CSMD1: variants seen among roughly 807,000 people sequenced by gnomAD.
CSMD1 encodes CUB and Sushi multiple domains 1.
CSMD1 carries 213 observed loss-of-function variants against 417.5 expected under a neutral mutation model. The ratio of observed to expected loss-of-function variants is 0.51; its 90% confidence interval spans 0.46 to 0.57. The LOEUF (loss-of-function observed/expected upper bound fraction) is 0.57. Among genes scored for constraint, CSMD1 ranks in the 20% least tolerant of loss-of-function variants. The probability of loss-of-function intolerance (pLI) is 0.00; values close to 1 mark genes in which losing one functional copy is unlikely to be tolerated. For synonymous variants in CSMD1, 2,862 were observed against 1,736.8 expected, an observed-to-expected ratio of 1.65 and a Z score of -16.11; for missense variants, 6,923 against 4,529.7, an observed-to-expected ratio of 1.53 and a Z score of -15.17.
At chr8:3,306,617 T>C (rs979306422) in intron 25 of CSMD1, among the ~76,000 whole-genome samples, 2 of 152,248 alleles carry the variant, frequency 1.3e-5, no homozygotes, top group East Asian at 3.9e-4. Flanking sequence ...AGGTCAGAGT[T>C]TCTCAAAAGC....
At chr8:4,873,463 T>G (rs1384851758) in intron 1 of CSMD1, among the ~76,000 whole-genome samples, 2 of 152,014 alleles carry the variant, frequency 1.3e-5, no homozygotes, top group East Asian at 3.9e-4. Flanking sequence ...TGAGAAAAAA[T>G]TCCAGAAATT....
intron 21 of CSMD1, among the ~76,000 whole-genome samples, chr8:3,352,604 G>A (rs561879142): frequency 3.3e-5 from 5 of 152,228 alleles, no homozygotes; most frequent in South Asian, 4.1e-4. Context: ...GTTTGGGAGC[G>A]CGAGGCAGGC....
chr8:3,004,237 A>C (rs1424483875), intron 52 of CSMD1, among the ~76,000 whole-genome samples: 1 of 152,188 alleles, frequency 6.6e-6, no homozygotes, highest in Admixed American at 6.5e-5. Context: ...TTGATTTTGC[A>C]GACTTTGTTT....
chr8:4,051,870 TTCCTCCTTTC>T (rs1230701582), intron 3 of CSMD1, among the ~76,000 whole-genome samples: 5 of 37,580 alleles, frequency 1.3e-4, no homozygotes, highest in African/African-American at 4.2e-4. Context: ...CTTTCTTTCC[TTCCTCCTTTC>T]TTCCTTCCTT....
At chr8:3,209,994 T>A (rs1445781616) in intron 30 of CSMD1, among the ~76,000 whole-genome samples, 2 of 152,170 alleles carry the variant, frequency 1.3e-5, no homozygotes, top group Non-Finnish European at 2.9e-5. Context: ...AAAACTTCAA[T>A]AAGCAAAATT....
intron 25 of CSMD1, among the ~76,000 whole-genome samples, chr8:3,301,060 A>G (rs892743516): frequency 2.0e-5 from 3 of 152,184 alleles, no homozygotes; most frequent in South Asian, 4.1e-4. Flanking sequence ...ACCACACAAT[A>G]TACATTGATA....
intron 54 of CSMD1, among the ~76,000 whole-genome samples, chr8:2,981,462 G>A (rs1034349951): frequency 5.9e-5 from 9 of 152,186 alleles, no homozygotes; most frequent in African/African-American, 2.2e-4. Flanking sequence ...TAAGTATAGG[G>A]TAATGCGTCA....
chr8:4,214,352 C>T (rs2128803797), intron 3 of CSMD1, among the ~76,000 whole-genome samples: 1 of 152,296 alleles, frequency 6.6e-6, no homozygotes, highest in Middle Eastern at 3.4e-3. Flanking sequence ...GGCTGGAGTG[C>T]AGTGGTGCGA....
chr8:3,744,721 A>G (rs1796982310), intron 6 of CSMD1, among the ~76,000 whole-genome samples: 1 of 152,246 alleles, frequency 6.6e-6, no homozygotes, highest in Non-Finnish European at 1.5e-5. Context: ...CTATGAAATG[A>G]AGAGTCAGTG....
chr8:3,875,715 G>T (rs375146569), intron 5 of CSMD1, among the ~76,000 whole-genome samples: 1 of 152,144 alleles, frequency 6.6e-6, no homozygotes, highest in Non-Finnish European at 1.5e-5. Flanking sequence ...GAATCTTCTC[G>T]AGTGGATTGA....
chr8:4,536,617 C>T (rs1028181797), intron 2 of CSMD1, among the ~76,000 whole-genome samples: 1 of 152,194 alleles, frequency 6.6e-6, no homozygotes, highest in East Asian at 1.9e-4. Context: ...CAAGTGGATA[C>T]TGAGAATAGG....
At position 3,396,184 on chromosome 8, in the gene CSMD1, T is replaced by C; in HGVS notation, c.2593+10A>G. The C allele has an allele frequency of 6.4e-7, 1 of 1,554,580 alleles. No homozygotes were observed. Among genetic ancestry groups the C allele is most frequent in the Non-Finnish European group, 8.7e-7 (1 of 1,149,136 alleles). The stretch of plus-strand genomic sequence containing the variant: ...GCCCTGCCGGGCTGTCAAGGGAAGG[T>C]GCAACTCACTCTCATAGTGGATGAG... On this transcript the variant is annotated intron_variant, in intron 17 of 69. Coordinates refer to ENST00000635120, the MANE Select transcript of CSMD1 (RefSeq NM_033225.6).
chr8:4,931,991 C>T (rs1476941179), intron 1 of CSMD1, among the ~76,000 whole-genome samples: 1 of 150,136 alleles, frequency 6.7e-6, no homozygotes, highest in Admixed American at 6.6e-5. Flanking sequence ...AATTTAAAAC[C>T]ACAATAATTT....
rs1007312357 is a variant in CSMD1, at chr8:3,307,552, C to T, written c.3950+143G>A. The T allele has an allele frequency of 4.1e-6, 4 of 986,726 alleles. No individual in the cohort carries two copies. In the Admixed American group the frequency reaches 7.5e-5, roughly 19 times the overall value. The allele number at this position is 986,726 out of a possible 1,614,324, so 61.1% of individuals were successfully genotyped here. On this transcript the variant is annotated intron_variant, in intron 25 of 69. Coordinates refer to ENST00000635120, the MANE Select transcript of CSMD1 (RefSeq NM_033225.6). ...ACAGCAAAGTAAGCAAGTGAGCCAA[C>T]AAAACTTTTAGCTACAGCTTTACCT...
intron 3 of CSMD1, among the ~76,000 whole-genome samples, chr8:4,142,038 T>A (rs1647361): frequency 0.21 from 28,253 of 135,710 alleles, 3,247 homozygotes; most frequent in Non-Finnish European, 0.26. Flanking sequence ...TCAAAGATGT[T>A]TTAAATGTTT....
rs1011969501 is a variant in CSMD1, at chr8:3,113,240, C to G, written c.6431-2905G>C. On this transcript the variant is annotated intron_variant, in intron 42 of 69. Coordinates refer to ENST00000635120, the MANE Select transcript of CSMD1 (RefSeq NM_033225.6). ...CTGCCTGGGAGACACTGGTCCAAGC[C>G]GGACCAGGAAGACAGACAGCTGACC... The G allele has an allele frequency of 3.3e-5, 5 of 152,250 alleles. No homozygotes were observed. In the East Asian group the frequency reaches 7.7e-4, roughly 23 times the overall value. The allele number at this position is 152,250 out of a possible 1,614,324, so 9.4% of individuals were successfully genotyped here. A position where few individuals can be genotyped will look rare whatever the true frequency, so the allele number is the denominator to read the frequency against.
intron 1 of CSMD1, among the ~76,000 whole-genome samples, chr8:4,827,045 C>T (rs1379323): frequency 0.17 from 25,798 of 151,940 alleles, 2,789 homozygotes; most frequent in Non-Finnish European, 0.24. Context: ...CCATGGATGG[C>T]TAACAGACTA....
At chr8:3,943,244 T>C (rs1811003126) in intron 5 of CSMD1, among the ~76,000 whole-genome samples, 1 of 152,052 alleles carries the variant, frequency 6.6e-6, no homozygotes, top group Non-Finnish European at 1.5e-5. Context: ...CAATCAACAT[T>C]TTAAATAATT....
chr8:4,960,488 C>T (rs1412599113), intron 1 of CSMD1, among the ~76,000 whole-genome samples: 2 of 152,100 alleles, frequency 1.3e-5, no homozygotes, highest in East Asian at 3.9e-4. Flanking sequence ...AGCTGAATTC[C>T]TTGTTTATGA....
Sources: gnomAD v4.1 joint callset for allele counts (sites outside exome capture counted in the v4.1 genomes callset) on GRCh38, gnomAD v4.1.1 for gene constraint, MANE v1.5 for transcripts, NCBI Gene and HGNC (gene_info 2026-07-23, HGNC 2026-07-21) for gene names.